Variants in SERINC3 observed in about 807,000 individuals in gnomAD.
SERINC3 encodes the protein serine incorporator 3.
A neutral mutation model predicts 52.1 loss-of-function variants in SERINC3; 22 were observed. That is an observed-to-expected ratio of 0.42 (90% CI 0.30 to 0.60). The LOEUF is 0.60. SERINC3 is among the 20% of genes least tolerant of loss of function. The pLI, the probability that SERINC3 is intolerant of heterozygous loss-of-function variation, is 0.16. For missense variants in SERINC3, 564 were observed against 584.6 expected, an observed-to-expected ratio of 0.96 and a Z score of 0.36; for synonymous variants, 226 against 212.7, an observed-to-expected ratio of 1.06 and a Z score of -0.54.
At chr20:44,516,884 T>C (rs2064384092) in intron 1 of SERINC3, among the ~76,000 whole-genome samples, 1 of 152,160 alleles carries the variant, frequency 6.6e-6, no homozygotes, top group Non-Finnish European at 1.5e-5. Flanking sequence ...TATGCTTGAT[T>C]AGGAAACTGC....
At chr20:44,505,895 C>G (rs944289086) in intron 6 of SERINC3, among the ~76,000 whole-genome samples, 2 of 152,160 alleles carry the variant, frequency 1.3e-5, no homozygotes, top group Non-Finnish European at 2.9e-5. Flanking sequence ...GCCACCACAC[C>G]CAGCCTAAAC....
chr20:44,501,241 A>G lies in SERINC3; in HGVS notation c.1115T>C (p.Val372Ala). The change falls in exon 9 of 10, where the codon GTC becomes GCC. Residue 372 changes from valine (V) to alanine (A), a missense_variant. Val to Ala is a moderately conservative substitution (Grantham distance 64). Coordinates refer to ENST00000342374, the MANE Select transcript of SERINC3 (RefSeq NM_006811.4). The stretch of plus-strand genomic sequence containing the variant: ...ACTGGTAGTTGTATCACCAAGGATG[A>G]CGCTGTCACTCCCTGACAGGGTCAG... ...DKLTLSGSDS[V>A]ILGDTTTSGA... is the part of the protein sequence containing the mutation. The G allele has an allele frequency of 6.2e-7, 1 of 1,614,160 alleles. No individual in the cohort carries two copies. Among genetic ancestry groups the G allele is most frequent in the East Asian group, 2.2e-5 (1 of 44,874 alleles).
Position 44,513,899 on chromosome 20 carries a change from T to C in SERINC3, c.181A>G (p.Met61Val). Residue 61 changes from methionine to valine, a missense_variant, in exon 2 of 10, where the codon ATG becomes GTG. By Grantham distance (21) the Met-to-Val change is conservative. Coordinates refer to ENST00000342374, the MANE Select transcript of SERINC3 (RefSeq NM_006811.4). The stretch of plus-strand genomic sequence containing the variant: ...CTTACCTTCTTCAAGTAAGTTTCCA[T>C]CTCTTTTCTCTGCATGATATAGGAT... ...VVSYIMQRKE[M>V]ETYLKKIPGF... 2 of 1,607,702 alleles carry C rather than the reference T, an allele frequency of 1.2e-6. No individual in the cohort carries two copies. Among genetic ancestry groups the C allele is most frequent in the Non-Finnish European group, 8.5e-7 (1 of 1,177,196 alleles).
chr20:44,510,349 A>C (rs2064339425), intron 4 of SERINC3, among the ~76,000 whole-genome samples: 1 of 152,238 alleles, frequency 6.6e-6, no homozygotes, highest in African/African-American at 2.4e-5. Context: ...GTTAAGACAG[A>C]GATAGGGGAG....
chr20:44,521,518 G>A (rs1015883853), intron 1 of SERINC3, among the ~76,000 whole-genome samples: 3 of 152,220 alleles, frequency 2.0e-5, no homozygotes, highest in Non-Finnish European at 2.9e-5. Context: ...TCCCGTGCTA[G>A]GGGATAAAAA....
In SERINC3 at chr20:44,499,191, A is replaced by G. The variant is rs917597546; in HGVS notation, c.*1105T>C. ...CAAAACCTACAGGGTCTAGTACAGA[A>G]TAGACAGTAAATCTTTGTTGAAAGA... On this transcript the variant is annotated 3_prime_UTR_variant, in exon 10 of 10. Transcript: ENST00000342374. 1 of 152,384 alleles carries G rather than the reference A, an allele frequency of 6.6e-6. No homozygotes were observed. The highest frequency in any genetic ancestry group is 1.5e-5 in the Non-Finnish European group (1 of 68,042). The allele number at this position is 152,384 out of a possible 1,614,324, so 9.4% of individuals were successfully genotyped here.
chr20:44,503,823 C>G lies in SERINC3; in HGVS notation c.1047G>C (p.Leu349Phe), dbSNP rs1307014676. 5 of 1,548,834 alleles carry G rather than the reference C, an allele frequency of 3.2e-6. No homozygotes were observed. The highest frequency in any genetic ancestry group is 1.4e-5 in the African/African-American group (1 of 70,618). ...IGLFVFVLCL[L>F]YSSIRTSTNS... ...AGTACCTTTTAACTTACCTAGAATA[C>G]AAGAGGCAGAGAACAAAGACAAACA... The change falls in exon 8 of 10, where the codon TTG becomes TTC. Residue 349 changes from leucine (L) to phenylalanine (F), a missense_variant. Coordinates refer to ENST00000342374, the MANE Select transcript of SERINC3 (RefSeq NM_006811.4).
chr20:44,519,371 C>G (rs2064401585), intron 1 of SERINC3: 2 of 967,702 alleles, frequency 2.1e-6, no homozygotes, highest in African/African-American at 3.5e-5. Context: ...TGAGACCATC[C>G]TGGCGTGAGC....
rs749767735 is a variant in SERINC3 at position 44,500,365 on chromosome 20, C to G, written c.1353G>C (p.Trp451Cys). 1 of 1,604,666 alleles carries G rather than the reference C, an allele frequency of 6.2e-7. No homozygotes were observed. The highest frequency in any genetic ancestry group is 8.5e-7 in the Non-Finnish European group (1 of 1,175,572). ...PAVWVKISSSWVCLLLYVWTL... is the reference protein window; with the variant it reads ...PAVWVKISSSCVCLLLYVWTL... Reference sequence around the variant, plus strand: ...TCCAGACGTAAAGCAGGAGGCAGACCCAGCTGGAGCTGATCTTGACCCACA... The same window carrying G: ...TCCAGACGTAAAGCAGGAGGCAGACGCAGCTGGAGCTGATCTTGACCCACA... The change falls in exon 10 of 10, where the codon TGG becomes TGC. Residue 451 changes from tryptophan (W) to cysteine (C), a missense_variant. Trp to Cys is a radical substitution (Grantham distance 215). Transcript: ENST00000342374.
Position 44,522,036 on chromosome 20 carries a change from C to T in SERINC3, c.-85G>A. On this transcript the variant is annotated 5_prime_UTR_variant, in exon 1 of 10. An upstream start codon of the reference 5' UTR is lost. Transcript: ENST00000342374. Reference sequence around the variant, plus strand: ...GCCAGCTGAGGTGACTCCCCAGAAACATGACGGTTTCTCAGGCCGGAAACG... The same window carrying T: ...GCCAGCTGAGGTGACTCCCCAGAAATATGACGGTTTCTCAGGCCGGAAACG... The T allele has an allele frequency of 7.2e-7, 1 of 1,398,278 alleles. No homozygotes were observed. Among genetic ancestry groups the T allele is most frequent in the Non-Finnish European group, 9.9e-7 (1 of 1,011,172 alleles). 86.6% of individuals were successfully genotyped at this position (1,398,278 alleles called of 1,614,324 possible).
At chr20:44,509,180 T>TA (rs1170141992) in intron 5 of SERINC3, among the ~76,000 whole-genome samples, 1 of 152,160 alleles carries the variant, frequency 6.6e-6, no homozygotes, top group Admixed American at 6.5e-5. Flanking sequence ...CTAGAAATTG[T>TA]AAGTGCCCCT....
chr20:44,506,983 G>C lies in SERINC3; in HGVS notation c.627C>G (p.Phe209Leu). 1 of 1,599,598 alleles carries C rather than the reference G, an allele frequency of 6.3e-7. No homozygotes were observed. The highest frequency in any genetic ancestry group is 1.8e-5 in the Admixed American group (1 of 56,734). The change falls in exon 6 of 10, where the codon TTC (phenylalanine) becomes TTG (leucine). Residue 209 changes from phenylalanine to leucine, a missense_variant. Transcript: ENST00000342374. The stretch of plus-strand genomic sequence containing the variant: ...TTGACAGGATATAAAAGGCGCTTGT[G>C]AAAGACAGTAAAGCTGGAGAAAGGG... ...PRLWYAALLS[F>L]TSAFYILSII...
At chr20:44,496,277 A>C (rs767345989), downstream of SERINC3, 5 of 152,334 alleles carry the variant, frequency 3.3e-5, no homozygotes, top group Admixed American at 2.0e-4. Context: ...GGTTTCTATT[A>C]TTCTTCTTCA....
In SERINC3 at chr20:44,513,943, A is replaced by G. The variant is rs780672696; in HGVS notation, c.137T>C (p.Leu46Pro). ...ATAGGATACGACAGTGCTCAGGAGG[A>G]GAATGAAAGCATAAATGAGGCGAGT... is the stretch of plus-strand genomic sequence containing the variant. ...TVTRLIYAFILLLSTVVSYIM... is the reference protein window; with the variant it reads ...TVTRLIYAFIPLLSTVVSYIM... The change falls in exon 2 of 10, where the codon CTC becomes CCC. Residue 46 changes from leucine to proline, a missense_variant. Physicochemically the swap from Leu to Pro is moderately conservative, Grantham distance 98 (BLOSUM62 -3). Coordinates refer to ENST00000342374, the MANE Select transcript of SERINC3 (RefSeq NM_006811.4). 12 of 1,614,168 alleles carry G rather than the reference A, an allele frequency of 7.4e-6. No homozygotes were observed. In the South Asian group the frequency reaches 1.2e-4, roughly 16 times the overall value.
intron 6 of SERINC3, among the ~76,000 whole-genome samples, 190 bp downstream of exon 6, chr20:44,506,637 G>GTT (rs72534903): frequency 5.8e-5 from 8 of 138,438 alleles, no homozygotes; most frequent in Admixed American, 1.5e-4. Context: ...AGTTACCTGG[G>GTT]TTTTTTTTTA....
At chr20:44,511,401 CTA>C in intron 3 of SERINC3, 33 bp from the exon 4 acceptor site, 2 of 1,386,236 alleles carry the variant, frequency 1.4e-6, no homozygotes, top group Non-Finnish European at 2.1e-6. Flanking sequence ...TTATGAAATG[CTA>C]AGTTTCACCC....
intron 5 of SERINC3, among the ~76,000 whole-genome samples, chr20:44,507,654 TGA>T (rs2123046932): frequency 6.6e-6 from 1 of 152,304 alleles, no homozygotes; most frequent in South Asian, 2.1e-4. Flanking sequence ...CTGGATTGCT[TGA>T]GCCTGAGTTC....
chr20:44,521,225 G>A (rs1419830141), intron 1 of SERINC3, among the ~76,000 whole-genome samples: 1 of 152,188 alleles, frequency 6.6e-6, no homozygotes, highest in African/African-American at 2.4e-5. Flanking sequence ...GGTAAATGAG[G>A]GAACTCAGCA....
rs201065201 is a variant in SERINC3 at position 44,504,874 on chromosome 20, G to A, written c.801C>T (p.Ser267=). 1.7e-5 allele frequency: 27 copies of A among 1,613,146 alleles called. No homozygotes were observed. The highest frequency in any genetic ancestry group is 5.3e-5 in the African/African-American group (4 of 75,024). Residue 267 remains serine (S), a synonymous_variant, in exon 7 of 10, where the codon TCC becomes TCT. Transcript: ENST00000342374. ...HPKIQEHQPR[S]GLLQSSLITL... Reference sequence around the variant, plus strand: ...TGATGAGGGAGGACTGCAAGAGGCCGGAGCGAGGCTGGTGTTCCTATGGAA... The same window carrying A: ...TGATGAGGGAGGACTGCAAGAGGCCAGAGCGAGGCTGGTGTTCCTATGGAA...
Sources: allele counts gnomAD v4.1 joint callset (sites outside exome capture counted in the v4.1 genomes callset), GRCh38; gene constraint gnomAD v4.1.1; transcripts MANE v1.5; gene names NCBI Gene and HGNC (gene_info 2026-07-23, HGNC 2026-07-21).